Variants in XKR6 observed in about 807,000 individuals in gnomAD.
XKR6 encodes the protein XK related 6.
In XKR6, 22 loss-of-function variants were observed where a neutral mutation model predicts 56.7. The ratio of observed to expected loss-of-function variants is 0.39; its 90% CI spans 0.28 to 0.55. The LOEUF is 0.55. Among genes scored for constraint, XKR6 ranks in the 20% least tolerant of loss-of-function variants. The pLI is 0.66. For missense variants in XKR6, 852 were observed against 889.0 expected (o/e 0.96, Z 0.53); for synonymous variants, 524 against 387.8 (o/e 1.35, Z -4.13).
chr8:11,164,616 C>A (rs1801979716), intron 1 of XKR6, among the ~76,000 whole-genome samples: 1 of 152,206 alleles, frequency 6.6e-6, no homozygotes, highest in Non-Finnish European at 1.5e-5. Context: ...AAAACACAAT[C>A]AATAAACAAA....
intron 2 of XKR6, among the ~76,000 whole-genome samples, chr8:10,920,592 T>C (rs1309021690): frequency 6.6e-6 from 1 of 152,230 alleles, no homozygotes; most frequent in African/African-American, 2.4e-5. Flanking sequence ...AAACTGATTT[T>C]CTTTAAGGCT....
intron 1 of XKR6, among the ~76,000 whole-genome samples, chr8:11,151,773 C>T (rs556990927): frequency 4.2e-4 from 64 of 152,120 alleles, no homozygotes; most frequent in African/African-American, 1.3e-3. Context: ...CCCCCCGCTC[C>T]GCCTTTTAAA....
chr8:11,151,956 C>T (rs541848161), intron 1 of XKR6, among the ~76,000 whole-genome samples: 9 of 152,268 alleles, frequency 5.9e-5, no homozygotes, highest in African/African-American at 1.7e-4. Context: ...GGATATTAAA[C>T]TGAAGACTGA....
At chr8:11,013,948 C>A (rs954850330) in intron 1 of XKR6, among the ~76,000 whole-genome samples, 1 of 152,190 alleles carries the variant, frequency 6.6e-6, no homozygotes, top group Non-Finnish European at 1.5e-5. Context: ...CAGGACAGAC[C>A]CAAATCCATT....
intron 2 of XKR6, among the ~76,000 whole-genome samples, chr8:10,912,728 G>A (rs187579318): frequency 1.2e-4 from 18 of 144,424 alleles, no homozygotes; most frequent in African/African-American, 4.2e-4. Context: ...GAGAATGAGT[G>A]TATATGCACA....
At chr8:11,141,153 T>C (rs1313688676) in intron 1 of XKR6, among the ~76,000 whole-genome samples, 1 of 152,236 alleles carries the variant, frequency 6.6e-6, no homozygotes, top group Non-Finnish European at 1.5e-5. Flanking sequence ...TTTAACTGTA[T>C]TCAGTAGTCA....
At chr8:10,910,439 T>C (rs1800318569) in intron 2 of XKR6, among the ~76,000 whole-genome samples, 1 of 152,176 alleles carries the variant, frequency 6.6e-6, no homozygotes, top group Admixed American at 6.5e-5. Flanking sequence ...TCTCCAGCTC[T>C]GATAAAGAGT....
At chr8:11,115,966 T>A (rs937087069) in intron 1 of XKR6, among the ~76,000 whole-genome samples, 9 of 152,246 alleles carry the variant, frequency 5.9e-5, no homozygotes, top group Non-Finnish European at 1.2e-4. Context: ...GAAAATACTT[T>A]AAAGTAATAT....
intron 1 of XKR6, among the ~76,000 whole-genome samples, chr8:11,082,484 T>C (rs918740452): frequency 2.0e-5 from 3 of 152,166 alleles, no homozygotes; most frequent in Non-Finnish European, 2.9e-5. Context: ...AGCCACAGAG[T>C]GGCCAGACCC....
At chr8:11,058,421 C>T (rs1025202124) in intron 1 of XKR6, among the ~76,000 whole-genome samples, 8 of 152,178 alleles carry the variant, frequency 5.3e-5, no homozygotes, top group South Asian at 2.1e-4. Context: ...CTATTTGCTA[C>T]GTAAATGAAC....
intron 1 of XKR6, among the ~76,000 whole-genome samples, chr8:11,190,254 A>G (rs1366648557): frequency 2.0e-5 from 3 of 151,570 alleles, no homozygotes; most frequent in Admixed American, 6.6e-5. Context: ...AGAAAAGAAA[A>G]GAAAGGAAAG....
chr8:11,128,902 G>A (rs1394641305), intron 1 of XKR6: 1 of 456,748 alleles, frequency 2.2e-6, no homozygotes, highest in Non-Finnish European at 4.4e-6. Context: ...ACTGCTAACT[G>A]ATTTCCTTTT....
At chr8:11,143,881 G>A (rs1800838959) in intron 1 of XKR6, among the ~76,000 whole-genome samples, 1 of 152,192 alleles carries the variant, frequency 6.6e-6, no homozygotes, top group African/African-American at 2.4e-5. Context: ...CTGGAGGCTG[G>A]AAGTGCAAGA....
rs549453006 is a variant in XKR6 at position 10,954,993 on chromosome 8, C to T, written c.765-30163G>A. Among the ~76,000 whole-genome samples the T allele has an allele frequency of 7.3e-5, 11 of 151,534 alleles. No individual in the cohort carries two copies. In the South Asian group the frequency reaches 8.4e-4, roughly 12 times the overall value. On this transcript the variant is annotated intron_variant, in intron 1 of 2. Transcript: ENST00000416569. ...AAGTGATTCTCCAGCCTCAGTCTCC[C>T]GAGTAGCTAGGATTACAGGCATGTG...
chr8:11,056,896 C>T (rs1436710352), intron 1 of XKR6, among the ~76,000 whole-genome samples: 3 of 152,280 alleles, frequency 2.0e-5, no homozygotes, highest in African/African-American at 7.2e-5. Context: ...TCTAGTCTCA[C>T]CCTTCAGGTC....
intron 1 of XKR6, among the ~76,000 whole-genome samples, chr8:11,135,809 T>C (rs1800359219): frequency 6.7e-6 from 1 of 149,692 alleles, no homozygotes; most frequent in African/African-American, 2.5e-5. Flanking sequence ...ATCTAAATAA[T>C]TAAAAAAGAA....
chr8:11,157,163 G>A (rs557343567), intron 1 of XKR6, among the ~76,000 whole-genome samples: 1 of 152,176 alleles, frequency 6.6e-6, no homozygotes, highest in Non-Finnish European at 1.5e-5. Flanking sequence ...CCTCCAAACT[G>A]TCAGGGTGAT....
chr8:10,989,705 G>A (rs908507905), intron 1 of XKR6, among the ~76,000 whole-genome samples: 1 of 152,188 alleles, frequency 6.6e-6, no homozygotes, highest in African/African-American at 2.4e-5. Flanking sequence ...TACATGCAAA[G>A]CATTTAGTAT....
intron 1 of XKR6, among the ~76,000 whole-genome samples, chr8:10,978,267 C>A (rs2129136412): frequency 6.6e-6 from 1 of 152,340 alleles, no homozygotes; most frequent in South Asian, 2.1e-4. Context: ...TAGTTCATAA[C>A]TACACCATGC....
Sources: gnomAD v4.1 joint callset for allele counts (sites outside exome capture counted in the v4.1 genomes callset) on GRCh38, gnomAD v4.1.1 for gene constraint, MANE v1.5 for transcripts, NCBI Gene and HGNC (gene_info 2026-07-23, HGNC 2026-07-21) for gene names.